The following ELMOD3 variants were observed in gnomAD, a reference collection of about 807,000 sequenced individuals.
ELMOD3 encodes the protein ELMO domain containing 3.
A neutral mutation model predicts 47.4 loss-of-function variants in ELMOD3; 36 were observed. The ratio of observed to expected loss-of-function variants is 0.76; its 90% CI spans 0.58 to 1.00. The LOEUF (loss-of-function observed/expected upper bound fraction) is 1.00, where lower values mean the gene tolerates loss of function less well. Among genes scored for constraint, ELMOD3 ranks in the 50% least tolerant of loss-of-function variants. The pLI, the probability that ELMOD3 is intolerant of heterozygous loss-of-function variation, is 0.00. For missense variants in ELMOD3, 404 were observed against 463.8 expected, an observed-to-expected ratio of 0.87 and a Z score of 1.18; for synonymous variants, 149 against 183.5, an observed-to-expected ratio of 0.81 and a Z score of 1.52.
Position 85,357,259 on chromosome 2 carries a change from A to G in ELMOD3, c.54+7A>G. 1.3e-6 allele frequency: 2 copies of G among 1,577,072 alleles called. No homozygotes were observed. The highest frequency in any genetic ancestry group is 8.7e-7 in the Non-Finnish European group (1 of 1,149,792). Reference sequence around the variant, plus strand: ...AGAATTAAGAGATGGACAGGTAAGCATGCACTCTTATTTGGGAAAGGTGGT... The same window carrying G: ...AGAATTAAGAGATGGACAGGTAAGCGTGCACTCTTATTTGGGAAAGGTGGT... On this transcript the variant is annotated splice_region_variant and intron_variant, in intron 4 of 13. Coordinates refer to ENST00000409013, the MANE Select transcript of ELMOD3 (RefSeq NM_001135022.2).
At chr2:85,378,834 T>A (rs1198456226) in intron 11 of ELMOD3, among the ~76,000 whole-genome samples, 1 of 152,240 alleles carries the variant, frequency 6.6e-6, no homozygotes, top group Non-Finnish European at 1.5e-5. Context: ...TTTCATCTGA[T>A]CTCTTACGGC....
intron 6 of ELMOD3, chr2:85,368,426 C>A: frequency 4.3e-6 from 2 of 466,166 alleles, no homozygotes; most frequent in East Asian, 3.9e-5. Flanking sequence ...GGGGACCACC[C>A]GGGAGTGGGG....
chr2:85,357,454 T>A, intron 4 of ELMOD3: 1 of 408,184 alleles, frequency 2.4e-6, no homozygotes, highest in African/African-American at 2.1e-5. Flanking sequence ...TTATGAGATT[T>A]TTGTTTTCTT....
At chr2:85,380,963 T>C (rs1239373523) in intron 11 of ELMOD3, among the ~76,000 whole-genome samples, 1 of 152,234 alleles carries the variant, frequency 6.6e-6, no homozygotes, top group Non-Finnish European at 1.5e-5. Flanking sequence ...TGGCACAGAA[T>C]AATTTAACAT....
chr2:85,376,474 G>A lies in ELMOD3; in HGVS notation c.608-870G>A, dbSNP rs1440209170. 6.6e-6 allele frequency among the ~76,000 whole-genome samples: 1 copy of A among 152,154 alleles called. No individual in the cohort carries two copies. Among genetic ancestry groups the A allele is most frequent in the Non-Finnish European group, 1.5e-5 (1 of 68,022 alleles). ...GGCCAACATGGCTGGTGGGGCCAGG[G>A]GTGCCTCGTTACTCTTCCTATGTGG... On this transcript the variant is annotated intron_variant, in intron 10 of 13. Coordinates refer to ENST00000409013, the MANE Select transcript of ELMOD3 (RefSeq NM_001135022.2). The surrounding 1 kb of genome is among the most constrained non-coding windows in gnomAD (Gnocchi z 4.2).
chr2:85,357,126 T>G lies in ELMOD3; in HGVS notation c.-73T>G, dbSNP rs1445195121. 35 of 1,051,628 alleles carry G rather than the reference T, an allele frequency of 3.3e-5. No homozygotes were observed. The highest frequency in any genetic ancestry group is 5.0e-5 in the Non-Finnish European group (35 of 698,126). 65.1% of individuals were successfully genotyped at this position (1,051,628 alleles called of 1,614,324 possible). A position where few individuals can be genotyped will look rare whatever the true frequency, so the allele number is the denominator to read the frequency against. On this transcript the variant is annotated 5_prime_UTR_variant, in exon 4 of 14. Transcript: ENST00000409013. ...TGGATCTCTGGCTCTCCACATAGCT[T>G]CTGATCTCAGACCTTACTAAAATGC...
At chr2:85,375,282 C>T (rs1351299629) in intron 10 of ELMOD3, among the ~76,000 whole-genome samples, 1 of 152,176 alleles carries the variant, frequency 6.6e-6, no homozygotes, top group African/African-American at 2.4e-5. Flanking sequence ...ACTTTGTCCT[C>T]TCTTGTGGGA....
rs953313635 is a variant in ELMOD3 at position 85,391,281 on chromosome 2, T to A, written c.*319T>A. ...TGGATCATGAGGTGGGATGGCCCCA[T>A]CTGGATGTTCTGCAGATCCCCACAT... is the stretch of plus-strand genomic sequence containing the variant. On this transcript the variant is annotated 3_prime_UTR_variant, in exon 14 of 14. Transcript: ENST00000409013. The A allele has an allele frequency of 4.0e-6, 1 of 250,250 alleles. No individual in the cohort carries two copies. The highest frequency in any genetic ancestry group is 5.3e-5 in the Admixed American group (1 of 19,024). 15.5% of individuals were successfully genotyped at this position (250,250 alleles called of 1,614,324 possible).
intron 6 of ELMOD3, among the ~76,000 whole-genome samples, chr2:85,364,249 CTGAG>C (rs1276622869): frequency 1.3e-5 from 2 of 151,772 alleles, no homozygotes; most frequent in Admixed American, 6.6e-5. Flanking sequence ...CCTCAGCCTC[CTGAG>C]TAATTGTGTA....
chr2:85,384,354 T>C (rs1685782903), intron 11 of ELMOD3, among the ~76,000 whole-genome samples: 1 of 152,194 alleles, frequency 6.6e-6, no homozygotes, highest in Non-Finnish European at 1.5e-5. Context: ...CTGTTTCAAC[T>C]CTCTGCCCTC....
chr2:85,382,331 C>T (rs1411209267), intron 11 of ELMOD3, among the ~76,000 whole-genome samples: 1 of 142,812 alleles, frequency 7.0e-6, no homozygotes, highest in Middle Eastern at 3.9e-3. Context: ...CCCAGCTACT[C>T]AGAGGCTGAG....
At chr2:85,389,413 C>T (rs533799768) in intron 11 of ELMOD3, 5 of 335,464 alleles carry the variant, frequency 1.5e-5, no homozygotes, top group Admixed American at 1.4e-4. Flanking sequence ...GATGTGGGCC[C>T]AGGGGTTGGG....
At chr2:85,355,878 C>T (rs1471333405) in intron 3 of ELMOD3, 1 of 152,234 alleles carries the variant, frequency 6.6e-6, no homozygotes, top group Non-Finnish European at 1.5e-5. Context: ...AGCCACATGT[C>T]AAGCCCAAGA....
At chr2:85,386,187 G>T (rs891131046) in intron 11 of ELMOD3, among the ~76,000 whole-genome samples, 2 of 152,144 alleles carry the variant, frequency 1.3e-5, no homozygotes, top group Non-Finnish European at 2.9e-5. Flanking sequence ...AAGCCCAAAC[G>T]TGAGGCATGA....
Position 85,389,803 on chromosome 2 carries a change from C to T in ELMOD3, c.791C>T (p.Ala264Val), listed in dbSNP as rs1686194930. 1 of 1,614,126 alleles carries T rather than the reference C, an allele frequency of 6.2e-7. No individual in the cohort carries two copies. The highest frequency in any genetic ancestry group is 1.1e-5 in the South Asian group (1 of 91,080). The change falls in exon 12 of 14, where the codon GCC becomes GTC. Residue 264 changes from alanine to valine, a missense_variant. Coordinates refer to ENST00000409013, the MANE Select transcript of ELMOD3 (RefSeq NM_001135022.2). ...AACATCACCCACATTGCCATCCAGG[C>T]CTTGAGAGAGGAGTGTCTCTCCAGG... ...SVNITHIAIQ[A>V]LREECLSREC... is the part of the protein sequence containing the mutation.
intron 11 of ELMOD3, among the ~76,000 whole-genome samples, chr2:85,388,712 G>A (rs769145589): frequency 2.0e-5 from 3 of 152,230 alleles, no homozygotes; most frequent in East Asian, 1.9e-4. Context: ...CTAAGCACAC[G>A]TGACTACTGA....
At chr2:85,384,970 T>C (rs112868077) in intron 11 of ELMOD3, among the ~76,000 whole-genome samples, 1,720 of 152,286 alleles carry the variant, frequency 0.011, 32 homozygotes, top group African/African-American at 0.04. Context: ...CAATACATTA[T>C]AGAGTGCTCT....
rs115811108 is a variant in ELMOD3, at chr2:85,375,271, C to T, written c.608-2073C>T. On this transcript the variant is annotated intron_variant, in intron 10 of 13. Transcript: ENST00000409013. ...CCTTTGAATACTTTCTTCAGCTCCACACTTTGTCCTCTCTTGTGGGATTCC... is the reference window on the plus strand; with the variant it reads ...CCTTTGAATACTTTCTTCAGCTCCATACTTTGTCCTCTCTTGTGGGATTCC... Among the ~76,000 whole-genome samples, 1,393 of 152,324 alleles carry T rather than the reference C, an allele frequency of 9.1e-3. 25 individuals are homozygous for T. Among genetic ancestry groups the T allele is most frequent in the African/African-American group, 0.032 (1,334 of 41,564 alleles).
intron 10 of ELMOD3, 68 bp downstream of exon 10, chr2:85,371,630 G>T: frequency 6.3e-7 from 1 of 1,598,696 alleles, no homozygotes; most frequent in South Asian, 1.1e-5. Context: ...GAGAGGCCAG[G>T]TCGTTCTCTT....
Sources: allele counts gnomAD v4.1 joint callset (sites outside exome capture counted in the v4.1 genomes callset), GRCh38; gene constraint gnomAD v4.1.1; non-coding constraint Gnocchi (gnomAD v3.1); transcripts MANE v1.5; gene names NCBI Gene and HGNC (gene_info 2026-07-23, HGNC 2026-07-21).